Variants in SMCHD1 observed in about 807,000 individuals in gnomAD.
SMCHD1 encodes structural maintenance of chromosomes flexible hinge domain containing 1, also known as structural maintenance of chromosomes flexible hinge domain-containing protein 1.
In SMCHD1, 78 loss-of-function variants were observed where a neutral mutation model predicts 254.7. The observed-to-expected ratio is 0.31, with a 90% CI of 0.26 to 0.37. The LOEUF (loss-of-function observed/expected upper bound fraction) is 0.37, where lower values mean the gene tolerates loss of function less well. SMCHD1 is among the 10% of genes least tolerant of loss of function. The pLI is 1.00. For synonymous variants in SMCHD1, 766 were observed against 794.9 expected (o/e 0.96, Z 0.61); for missense variants, 1,840 against 2,408.1 (o/e 0.76, Z 4.94).
chr18:2,705,658 C>A, intron 13 of SMCHD1, 36 bp from the exon 14 acceptor site: 1 of 1,070,274 alleles, frequency 9.3e-7, no homozygotes, highest in Non-Finnish European at 1.3e-6. Context: ...AATCTTAATA[C>A]TGAAGCTTTT....
intron 3 of SMCHD1, among the ~76,000 whole-genome samples, chr18:2,667,303 C>T (rs529086807): frequency 6.6e-6 from 1 of 152,280 alleles, no homozygotes; most frequent in Non-Finnish European, 1.5e-5. Context: ...TTTCCATCGC[C>T]TGTATACTCT....
chr18:2,689,978 A>G (rs537165660), intron 7 of SMCHD1, among the ~76,000 whole-genome samples: 2 of 152,012 alleles, frequency 1.3e-5, no homozygotes, highest in African/African-American at 2.4e-5. Flanking sequence ...TCATGCCACT[A>G]CATTCCAATT....
At position 2,802,621 on chromosome 18, in the gene SMCHD1, A is replaced by G; in HGVS notation, c.*69A>G. 7.0e-7 allele frequency: 1 copy of G among 1,431,846 alleles called. No homozygotes were observed. Among genetic ancestry groups the G allele is most frequent in the South Asian group, 1.3e-5 (1 of 74,720 alleles). The allele number at this position is 1,431,846 out of a possible 1,614,324, so 88.7% of individuals were successfully genotyped here. ...CTGCTTTCTGCATCTCTGTTTCAGA[A>G]GACCAAGAGGGTGACTTACCAGACT... On this transcript the variant is annotated 3_prime_UTR_variant, in exon 48 of 48. Transcript: ENST00000320876.
chr18:2,725,288 T>C (rs576716847), intron 21 of SMCHD1, among the ~76,000 whole-genome samples: 3 of 151,806 alleles, frequency 2.0e-5, no homozygotes, highest in Non-Finnish European at 4.4e-5. Flanking sequence ...GACATAGTTA[T>C]CTAGGACTCT....
intron 17 of SMCHD1, among the ~76,000 whole-genome samples, chr18:2,709,679 A>G (rs2074623487): frequency 6.6e-6 from 1 of 152,092 alleles, no homozygotes; most frequent in African/African-American, 2.4e-5. Context: ...GATTTTGGCC[A>G]TCTTTTTATG....
At chr18:2,791,808 A>G (rs2076171355) in intron 45 of SMCHD1, among the ~76,000 whole-genome samples, 1 of 152,204 alleles carries the variant, frequency 6.6e-6, no homozygotes, top group Admixed American at 6.5e-5. Flanking sequence ...CAGACAGGTT[A>G]CTGGGAAGGC....
chr18:2,663,438 C>G lies in SMCHD1; in HGVS notation c.187-2719C>G, dbSNP rs144470441. Among the ~76,000 whole-genome samples the G allele has an allele frequency of 1.1e-4, 17 of 152,150 alleles. No individual in the cohort carries two copies. In the East Asian group the frequency reaches 2.1e-3, roughly 19 times the overall value. ...ACTGTTTGTACCTTTTCAGAAATCC[C>G]TTTATGCTCACTCAAAATTATTTCC... On this transcript the variant is annotated intron_variant, in intron 1 of 47. Transcript: ENST00000320876.
In SMCHD1 at chr18:2,718,562, C is replaced by T. The variant is rs550274762; in HGVS notation, c.2458+128C>T. 58 of 812,332 alleles carry T rather than the reference C, an allele frequency of 7.1e-5. No individual in the cohort carries two copies. The African/African-American group carries it at 9.2e-4, about 13-fold the overall frequency. The allele number at this position is 812,332 out of a possible 1,614,324, so 50.3% of individuals were successfully genotyped here. Reference sequence around the variant, plus strand: ...AACCATCTCGATTTTATTTTATTTTCTTACTTACTTTGAGATGGGGTCTCA... The same window carrying T: ...AACCATCTCGATTTTATTTTATTTTTTTACTTACTTTGAGATGGGGTCTCA... On this transcript the variant is annotated intron_variant, in intron 19 of 47. Transcript: ENST00000320876. The surrounding 1 kb of genome is among the most constrained non-coding windows in gnomAD (Gnocchi z 4.6).
rs192401901 is a variant in SMCHD1, at chr18:2,791,572, A to G, written c.5720-4377A>G. Among the ~76,000 whole-genome samples the G allele has an allele frequency of 4.6e-3, 698 of 152,310 alleles. 6 individuals carry two copies. Among genetic ancestry groups the G allele is most frequent in the Non-Finnish European group, 5.5e-3 (376 of 68,020 alleles). On this transcript the variant is annotated intron_variant, in intron 45 of 47. Coordinates refer to ENST00000320876, the MANE Select transcript of SMCHD1 (RefSeq NM_015295.3). Reference sequence around the variant, plus strand: ...AAAAAAACAAAGCACTGAGCAAAATACGTGAAAGAATAGTTTTCAAGACTT... The same window carrying G: ...AAAAAAACAAAGCACTGAGCAAAATGCGTGAAAGAATAGTTTTCAAGACTT...
intron 26 of SMCHD1, among the ~76,000 whole-genome samples, chr18:2,739,224 C>T (rs2075304274): frequency 6.6e-6 from 1 of 152,100 alleles, no homozygotes; most frequent in South Asian, 2.1e-4. Context: ...GTTTTTGGTC[C>T]ATATTCTCTA....
intron 17 of SMCHD1, among the ~76,000 whole-genome samples, chr18:2,715,209 C>CT (rs1397880316): frequency 6.6e-6 from 1 of 151,808 alleles, no homozygotes; most frequent in Non-Finnish European, 1.5e-5. Flanking sequence ...AAAGTTTTTG[C>CT]TTTTTCTTTT....
chr18:2,698,260 T>C (rs1281327570), intron 10 of SMCHD1, among the ~76,000 whole-genome samples: 1 of 152,226 alleles, frequency 6.6e-6, no homozygotes, highest in East Asian at 1.9e-4. Flanking sequence ...ACTCTTCTTT[T>C]AGTTCTGTTA....
In SMCHD1 at chr18:2,743,773, A is replaced by T. The variant is rs975216457; in HGVS notation, c.3646A>T (p.Ser1216Cys). 13 of 1,608,668 alleles carry T rather than the reference A, an allele frequency of 8.1e-6. No homozygotes were observed. The highest frequency in any genetic ancestry group is 6.8e-5 in the Admixed American group (4 of 59,156). The change falls in exon 29 of 48, where the codon AGT becomes TGT. Residue 1216 changes from serine (S) to cysteine (C), a missense_variant. Ser to Cys is a moderately radical substitution (Grantham distance 112). Coordinates refer to ENST00000320876, the MANE Select transcript of SMCHD1 (RefSeq NM_015295.3). ...TTTTCCTCACTAGGAAAACACACAGAGTATAAGTGTAAGAGGCATCAAATT... is the reference window on the plus strand; with the variant it reads ...TTTTCCTCACTAGGAAAACACACAGTGTATAAGTGTAAGAGGCATCAAATT... Reference protein sequence around the residue: ...LKTTFQENTQSISVRGIKFIP... With the variant: ...LKTTFQENTQCISVRGIKFIP...
chr18:2,742,095 AT>A (rs2075361737), intron 28 of SMCHD1, among the ~76,000 whole-genome samples: 2 of 152,282 alleles, frequency 1.3e-5, no homozygotes, highest in Admixed American at 1.3e-4. Flanking sequence ...TTCAGTTCTC[AT>A]GCTACCCATT....
chr18:2,762,976 C>T (rs1055578245), intron 36 of SMCHD1, among the ~76,000 whole-genome samples: 24 of 152,142 alleles, frequency 1.6e-4, no homozygotes, highest in African/African-American at 5.8e-4. Flanking sequence ...TCCAAGGCTG[C>T]AGATTTCATG....
At position 2,756,890 on chromosome 18, in the gene SMCHD1, A is replaced by C. The variant is rs577158541; in HGVS notation, c.4347-3762A>C. 8.9e-4 allele frequency among the ~76,000 whole-genome samples: 135 copies of C among 152,276 alleles called. 1 individual carries two copies. The highest frequency in any genetic ancestry group is 3.2e-3 in the African/African-American group (132 of 41,552). ...TTTTCTGTAAGATCTGTGATCTCTC[A>C]TTCTTGACACTATTTGTACTCTCTT... is the stretch of plus-strand genomic sequence containing the variant. On this transcript the variant is annotated intron_variant, in intron 34 of 47. Coordinates refer to ENST00000320876, the MANE Select transcript of SMCHD1 (RefSeq NM_015295.3).
intron 21 of SMCHD1, 66 bp downstream of exon 21, chr18:2,725,061 A>C: frequency 1.0e-6 from 1 of 1,003,258 alleles, no homozygotes; most frequent in Non-Finnish European, 1.4e-6. Flanking sequence ...TAAGAATGAA[A>C]TTGTAAATGA....
chr18:2,792,351 G>A (rs369352744), intron 45 of SMCHD1, among the ~76,000 whole-genome samples: 5 of 152,250 alleles, frequency 3.3e-5, no homozygotes, highest in African/African-American at 7.2e-5. Flanking sequence ...TGGAGCAATG[G>A]GCTATACCAT....
At chr18:2,747,158 T>C (rs536960554) in intron 29 of SMCHD1, among the ~76,000 whole-genome samples, 64 of 152,330 alleles carry the variant, frequency 4.2e-4, no homozygotes, top group African/African-American at 1.5e-3. Flanking sequence ...TTGTATTAGA[T>C]GTTAAAAGTA....
Sources: allele counts gnomAD v4.1 joint callset (sites outside exome capture counted in the v4.1 genomes callset), GRCh38; gene constraint gnomAD v4.1.1; non-coding constraint Gnocchi (gnomAD v3.1); transcripts MANE v1.5; gene names NCBI Gene and HGNC (gene_info 2026-07-23, HGNC 2026-07-21).